The following CNTN5 variants were observed in gnomAD, a reference collection of about 807,000 sequenced individuals.
CNTN5 encodes the protein contactin-5.
Under a neutral mutation model 129.1 loss-of-function variants are expected in CNTN5, and 77 were observed. The ratio of observed to expected loss-of-function variants is 0.60; its 90% CI spans 0.50 to 0.72. The LOEUF (loss-of-function observed/expected upper bound fraction) is 0.72, where lower values mean the gene tolerates loss of function less well. Among genes scored for constraint, CNTN5 ranks in the 30% least tolerant of loss-of-function variants. The pLI is 0.00. For synonymous variants in CNTN5, 509 were observed against 465.6 expected (o/e 1.09, Z -1.20); for missense variants, 1,478 against 1,328.8 (o/e 1.11, Z -1.75).
At chr11:99,090,041 C>G (rs997416782) in intron 1 of CNTN5, among the ~76,000 whole-genome samples, 34 of 152,118 alleles carry the variant, frequency 2.2e-4, no homozygotes, top group Admixed American at 2.0e-3. Context: ...TTTTTGGAGT[C>G]TAATACCTTG....
intron 1 of CNTN5, among the ~76,000 whole-genome samples, chr11:99,131,274 A>G (rs1480507037): frequency 2.0e-5 from 3 of 149,064 alleles, no homozygotes; most frequent in Non-Finnish European, 3.0e-5. Context: ...AGAAAAATTT[A>G]TAGCACTAAA....
intron 1 of CNTN5, among the ~76,000 whole-genome samples, chr11:99,107,657 C>T (rs1219723105): frequency 6.6e-6 from 1 of 151,830 alleles, no homozygotes; most frequent in Non-Finnish European, 1.5e-5. Context: ...GTCGGCTGGG[C>T]GCAGTGGCTC....
At chr11:99,253,934 CAT>C (rs34790335) in intron 1 of CNTN5, among the ~76,000 whole-genome samples, 25,597 of 139,500 alleles carry the variant, frequency 0.18, 2,257 homozygotes, top group Middle Eastern at 0.27. Flanking sequence ...TTTGGTAGAA[CAT>C]ATGCATAGGC....
At chr11:99,061,730 G>A (rs989526980) in intron 1 of CNTN5, among the ~76,000 whole-genome samples, 1 of 152,032 alleles carries the variant, frequency 6.6e-6, no homozygotes, top group South Asian at 2.1e-4. Flanking sequence ...GTGGCCCCAC[G>A]GCTGTTATCC....
chr11:99,997,587 C>T (rs1256091459), intron 8 of CNTN5, among the ~76,000 whole-genome samples: 1 of 152,138 alleles, frequency 6.6e-6, no homozygotes, highest in Non-Finnish European at 1.5e-5. Flanking sequence ...CAAGGAGGAA[C>T]TGGTACCATT....
intron 10 of CNTN5, among the ~76,000 whole-genome samples, chr11:100,070,045 C>A (rs1325363463): frequency 6.6e-6 from 1 of 151,756 alleles, no homozygotes; most frequent in Non-Finnish European, 1.5e-5. Context: ...AGTAGATACA[C>A]TGTATATTTC....
intron 2 of CNTN5, among the ~76,000 whole-genome samples, chr11:99,423,928 G>A (rs917162217): frequency 1.1e-4 from 17 of 152,106 alleles, no homozygotes; most frequent in African/African-American, 3.9e-4. Flanking sequence ...GGACGTTTAG[G>A]TTTGAATGAT....
rs559133580 is a variant in CNTN5 at position 99,968,585 on chromosome 11, C to G, written c.877+11576C>G. ...TTTGGTACTCAACAATGGAATGTAG[C>G]AAAGCCACTGTTATTTCCTGATTAG... On this transcript the variant is annotated intron_variant, in intron 8 of 24. Coordinates refer to ENST00000524871, the MANE Select transcript of CNTN5 (RefSeq NM_014361.4). 1.9e-4 allele frequency among the ~76,000 whole-genome samples: 28 copies of G among 147,688 alleles called. No homozygotes were observed. The South Asian group carries it at 4.7e-3, about 25-fold the overall frequency.
chr11:100,299,145 A>C lies in CNTN5; in HGVS notation c.2386-17A>C. On this transcript the variant is annotated splice_polypyrimidine_tract_variant and intron_variant, in intron 19 of 24. Coordinates refer to ENST00000524871, the MANE Select transcript of CNTN5 (RefSeq NM_014361.4). ...TCAATCATTTTGCTGATAATTAATT[A>C]TATTTTTCTTCTTTAGCCAGTATCT... The C allele has an allele frequency of 6.8e-7, 1 of 1,466,298 alleles. No homozygotes were observed. The highest frequency in any genetic ancestry group is 2.4e-5 in the East Asian group (1 of 41,684). 90.8% of individuals were successfully genotyped at this position (1,466,298 alleles called of 1,614,324 possible).
chr11:99,465,141 G>A (rs188601396), intron 2 of CNTN5, among the ~76,000 whole-genome samples: 42 of 152,306 alleles, frequency 2.8e-4, no homozygotes, highest in African/African-American at 1.0e-3. Context: ...GTAAAGTAGA[G>A]TAGTCCCTTC....
At chr11:99,896,238 C>G (rs1472615267) in intron 6 of CNTN5, among the ~76,000 whole-genome samples, 1 of 152,194 alleles carries the variant, frequency 6.6e-6, no homozygotes, top group Non-Finnish European at 1.5e-5. Context: ...TCACTGCTCT[C>G]TGCCAAACAG....
rs115044104 is a variant in CNTN5 at position 99,329,810 on chromosome 11, C to T, written c.-71+4326C>T. Among the ~76,000 whole-genome samples, 352 of 152,068 alleles carry T rather than the reference C, an allele frequency of 2.3e-3. 3 individuals carry two copies. The highest frequency in any genetic ancestry group is 8.3e-3 in the African/African-American group (344 of 41,488). Reference sequence around the variant, plus strand: ...GCTGTATCTCAATTTTTATAAACCTCAACTTTCATTTGACTAAAAAAGTGA... The same window carrying T: ...GCTGTATCTCAATTTTTATAAACCTTAACTTTCATTTGACTAAAAAAGTGA... On this transcript the variant is annotated intron_variant, in intron 2 of 24. Transcript: ENST00000524871.
intron 3 of CNTN5, among the ~76,000 whole-genome samples, chr11:99,732,967 A>C (rs1213802327): frequency 6.6e-6 from 1 of 152,110 alleles, no homozygotes; most frequent in Non-Finnish European, 1.5e-5. Flanking sequence ...AAAAAAGCAG[A>C]GGGCTCTTAG....
intron 1 of CNTN5, among the ~76,000 whole-genome samples, chr11:99,258,163 A>T (rs1328374808): frequency 6.6e-6 from 1 of 151,866 alleles, no homozygotes; most frequent in Non-Finnish European, 1.5e-5. Context: ...TTTAACTCCT[A>T]TTTTTGGTTT....
Position 99,839,408 on chromosome 11 carries a change from G to A in CNTN5, c.278-5444G>A, listed in dbSNP as rs148942152. Among the ~76,000 whole-genome samples, 1,064 of 152,062 alleles carry A rather than the reference G, an allele frequency of 7.0e-3. 5 individuals carry two copies. Among genetic ancestry groups the A allele is most frequent in the Non-Finnish European group, 0.011 (729 of 67,964 alleles). Reference sequence around the variant, plus strand: ...TGAAATAAGAACTACTATGACAAGCGTTTTATATATATATATTTTTTTCAA... The same window carrying A: ...TGAAATAAGAACTACTATGACAAGCATTTTATATATATATATTTTTTTCAA... On this transcript the variant is annotated intron_variant, in intron 4 of 24. Transcript: ENST00000524871.
intron 9 of CNTN5, among the ~76,000 whole-genome samples, chr11:100,058,060 A>C (rs560408254): frequency 1.3e-5 from 2 of 152,246 alleles, no homozygotes; most frequent in Non-Finnish European, 1.5e-5. Flanking sequence ...AACTACTAGA[A>C]TATGTAACCA....
At chr11:99,564,024 A>G (rs1159088845) in intron 3 of CNTN5, among the ~76,000 whole-genome samples, 1 of 152,174 alleles carries the variant, frequency 6.6e-6, no homozygotes, top group Admixed American at 6.5e-5. Context: ...ACTCTAACAC[A>G]TATTTATATA....
At chr11:99,553,567 A>C (rs1328728074) in intron 2 of CNTN5, among the ~76,000 whole-genome samples, 1 of 151,932 alleles carries the variant, frequency 6.6e-6, no homozygotes, top group East Asian at 1.9e-4. Flanking sequence ...ACTTAGCTTA[A>C]TGTCCTTCAG....
At chr11:99,754,533 T>A (rs775171382) in intron 3 of CNTN5, among the ~76,000 whole-genome samples, 1 of 152,218 alleles carries the variant, frequency 6.6e-6, no homozygotes, top group Non-Finnish European at 1.5e-5. Flanking sequence ...CAGAGACAAT[T>A]ACCTCCTAAG....
Sources: gnomAD v4.1 joint callset for allele counts (sites outside exome capture counted in the v4.1 genomes callset) on GRCh38, gnomAD v4.1.1 for gene constraint, MANE v1.5 for transcripts, NCBI Gene and HGNC (gene_info 2026-07-23, HGNC 2026-07-21) for gene names.